Variants in DPP6 observed in about 807,000 individuals in gnomAD.
DPP6 encodes A-type potassium channel modulatory protein DPP6.
Under a neutral mutation model 122.6 loss-of-function variants are expected in DPP6, and 69 were observed. The ratio of observed to expected loss-of-function variants is 0.56; its 90% CI spans 0.46 to 0.69. The LOEUF (loss-of-function observed/expected upper bound fraction) is 0.69, where lower values mean the gene tolerates loss of function less well. Among genes scored for constraint, DPP6 ranks in the 30% least tolerant of loss-of-function variants. DPP6 has a pLI of 0.00. For synonymous variants in DPP6, 418 were observed against 433.1 expected (o/e 0.97, Z 0.43); for missense variants, 928 against 1,116.9 (o/e 0.83, Z 2.41).
chr7:153,904,336 G>A (rs939961732), intron 1 of DPP6, among the ~76,000 whole-genome samples: 2 of 152,194 alleles, frequency 1.3e-5, no homozygotes, highest in Non-Finnish European at 2.9e-5. Flanking sequence ...ACAGGCGTGA[G>A]TCACCACACC....
chr7:154,781,556 C>G (rs959904319), intron 10 of DPP6, among the ~76,000 whole-genome samples: 3 of 152,176 alleles, frequency 2.0e-5, no homozygotes, highest in Non-Finnish European at 4.4e-5. Context: ...ACTCTGCCGG[C>G]AGATGTTTTT....
chr7:153,865,238 T>A, the DPP6 span, among the ~76,000 whole-genome samples: 1 of 152,222 alleles, frequency 6.6e-6, no homozygotes, highest in Non-Finnish European at 1.5e-5. Flanking sequence ...AGCAGTATTT[T>A]CTGGCAAAAT....
At chr7:154,485,942 C>A (rs972127625) in intron 3 of DPP6, among the ~76,000 whole-genome samples, 1 of 143,920 alleles carries the variant, frequency 6.9e-6, no homozygotes, top group Non-Finnish European at 1.5e-5. Flanking sequence ...ATCCCTCCCC[C>A]CTCCCCCCAC....
chr7:154,258,896 G>T (rs1274474466), intron 1 of DPP6, among the ~76,000 whole-genome samples: 12 of 152,152 alleles, frequency 7.9e-5, no homozygotes, highest in Admixed American at 7.9e-4. Flanking sequence ...CAAGTTATAT[G>T]GTTAAGAAAT....
chr7:154,235,724 G>A (rs1318815609), intron 1 of DPP6, among the ~76,000 whole-genome samples: 3 of 152,062 alleles, frequency 2.0e-5, no homozygotes, highest in East Asian at 3.9e-4. Flanking sequence ...AAACCAACTC[G>A]AAGTGATAAT....
chr7:153,766,287 C>T, the DPP6 span, among the ~76,000 whole-genome samples: 3 of 152,246 alleles, frequency 2.0e-5, no homozygotes, highest in East Asian at 3.9e-4. Flanking sequence ...GCTGTGCTAT[C>T]GACTTTTGCT....
At chr7:154,563,859 G>A (rs1830578431) in intron 4 of DPP6, among the ~76,000 whole-genome samples, 1 of 152,138 alleles carries the variant, frequency 6.6e-6, no homozygotes, top group African/African-American at 2.4e-5. Context: ...TGCGGGTTCA[G>A]GTGGTCTGGG....
intron 1 of DPP6, among the ~76,000 whole-genome samples, chr7:154,352,537 A>G (rs1232348186): frequency 6.6e-6 from 1 of 152,210 alleles, no homozygotes; most frequent in Non-Finnish European, 1.5e-5. Context: ...GACATGGATG[A>G]AGCTGGAAGC....
At chr7:154,010,884 G>T (rs1798124863) in intron 1 of DPP6, among the ~76,000 whole-genome samples, 1 of 152,144 alleles carries the variant, frequency 6.6e-6, no homozygotes. Context: ...ATGGTATTTG[G>T]TTTTGTTTAT....
At chr7:154,000,791 C>T (rs1797653555) in intron 1 of DPP6, among the ~76,000 whole-genome samples, 1 of 152,004 alleles carries the variant, frequency 6.6e-6, no homozygotes, top group African/African-American at 2.4e-5. Flanking sequence ...GGCTAGAGGC[C>T]ACTGCGACCT....
At chr7:154,573,273 T>C (rs1035517319) in intron 5 of DPP6, among the ~76,000 whole-genome samples, 3 of 152,114 alleles carry the variant, frequency 2.0e-5, no homozygotes, top group African/African-American at 7.2e-5. Flanking sequence ...TGCAGGGAGC[T>C]CTCTGTCTCC....
intron 1 of DPP6, among the ~76,000 whole-genome samples, chr7:154,260,206 T>G (rs148429394): frequency 0.012 from 1,755 of 152,102 alleles, 40 homozygotes; most frequent in African/African-American, 0.037. Flanking sequence ...AGTCCATGGG[T>G]AGGAGTTGGG....
intron 16 of DPP6, among the ~76,000 whole-genome samples, chr7:154,832,539 A>G (rs1800711727): frequency 6.6e-6 from 1 of 152,114 alleles, no homozygotes; most frequent in Admixed American, 6.5e-5. Flanking sequence ...TACAGATGAG[A>G]ATATTAAGAC....
chr7:154,359,390 C>T (rs1297296046), intron 1 of DPP6, among the ~76,000 whole-genome samples: 1 of 152,190 alleles, frequency 6.6e-6, no homozygotes, highest in East Asian at 1.9e-4. Flanking sequence ...TGGGCTTCTA[C>T]TCACCCCTTC....
intron 2 of DPP6, among the ~76,000 whole-genome samples, chr7:154,466,211 G>T (rs1353048934): frequency 3.3e-5 from 5 of 152,068 alleles, no homozygotes; most frequent in Admixed American, 1.3e-4. Flanking sequence ...GTCGAGGGGT[G>T]GGGGGCAAGG....
At chr7:154,775,770 T>G (rs1197525173) in intron 10 of DPP6, among the ~76,000 whole-genome samples, 2 of 152,178 alleles carry the variant, frequency 1.3e-5, no homozygotes, top group East Asian at 3.9e-4. Context: ...TGATCCCACC[T>G]GCCTCTTTAC....
At chr7:153,975,200 G>A (rs1796232387) in intron 1 of DPP6, among the ~76,000 whole-genome samples, 1 of 150,884 alleles carries the variant, frequency 6.6e-6, no homozygotes, top group Non-Finnish European at 1.5e-5. Flanking sequence ...AAAATGTAGT[G>A]GAAGAAATAT....
At chr7:154,761,895 C>T (rs1262262109) in intron 8 of DPP6, among the ~76,000 whole-genome samples, 1 of 152,058 alleles carries the variant, frequency 6.6e-6, no homozygotes, top group Non-Finnish European at 1.5e-5. Context: ...CACCCTGTGT[C>T]CAAGTGTCCT....
At chr7:154,416,260 A>G (rs1369309827) in intron 1 of DPP6, among the ~76,000 whole-genome samples, 4 of 152,082 alleles carry the variant, frequency 2.6e-5, no homozygotes, top group Admixed American at 6.6e-5. Flanking sequence ...CATGGACATC[A>G]TCATGCCGAT....
Sources: allele counts gnomAD v4.1 joint callset (sites outside exome capture counted in the v4.1 genomes callset), GRCh38; gene constraint gnomAD v4.1.1; transcripts MANE v1.5; gene names NCBI Gene and HGNC (gene_info 2026-07-23, HGNC 2026-07-21).